The following KRAS variants were observed in gnomAD, a reference collection of about 807,000 sequenced individuals.
KRAS encodes the protein GTPase KRas.
KRAS carries 1 observed loss-of-function variant against 21.0 expected under a neutral mutation model. The ratio of observed to expected loss-of-function variants is 0.05; its 90% CI spans 0.02 to 0.23. The LOEUF (loss-of-function observed/expected upper bound fraction) is 0.23, where lower values mean the gene tolerates loss of function less well. KRAS is among the 10% of genes least tolerant of loss of function. The pLI is 1.00. For synonymous variants in KRAS, 67 were observed against 72.5 expected (o/e 0.92, Z 0.39); for missense variants, 107 against 221.8 (o/e 0.48, Z 3.29).
chr12:25,217,739 A>G (rs921343632), intron 4 of KRAS, among the ~76,000 whole-genome samples: 1 of 152,134 alleles, frequency 6.6e-6, no homozygotes, highest in Non-Finnish European at 1.5e-5. Context: ...TCTACTAAAA[A>G]TAAGATAAAT....
Position 25,227,351 on chromosome 12 carries a change from G to A in KRAS, c.173C>T (p.Thr58Ile), listed in dbSNP as rs104894364. 1 of 1,613,990 alleles carries A rather than the reference G, an allele frequency of 6.2e-7. No homozygotes were observed. Residue 58 changes from threonine to isoleucine, a missense_variant, in exon 3 of 5, where the codon ACA (threonine) becomes ATA (isoleucine). By Grantham distance (89) the Thr-to-Ile change is moderately conservative (BLOSUM62 -1). Coordinates refer to ENST00000311936, the MANE Select transcript of KRAS (RefSeq NM_004985.5). ...TGCACTGTACTCCTCTTGACCTGCT[G>A]TGTCGAGAATATCCAAGAGACAGGT... ...GETCLLDILD[T>I]AGQEEYSAMR...
At chr12:25,244,650 CATG>C (rs957963518) in intron 2 of KRAS, among the ~76,000 whole-genome samples, 14 of 152,018 alleles carry the variant, frequency 9.2e-5, no homozygotes, top group Non-Finnish European at 1.8e-4. Flanking sequence ...TCCTCAAAAA[CATG>C]ATAACAATTT....
chr12:25,220,842 T>C (rs993108390), intron 4 of KRAS, among the ~76,000 whole-genome samples: 28 of 151,816 alleles, frequency 1.8e-4, no homozygotes, highest in African/African-American at 6.3e-4. Flanking sequence ...CTGGCCAACA[T>C]GGCGAAACCC....
intron 4 of KRAS, chr12:25,225,284 C>CTTTATTTTTA (rs1177789436): frequency 1.4e-3 from 9 of 6,446 alleles, no homozygotes; most frequent in African/African-American, 4.0e-3. Context: ...TTGCCCTGTT[C>CTTTATTTTTA]TTTATATATA....
chr12:25,222,383 G>A (rs748847379), intron 4 of KRAS, among the ~76,000 whole-genome samples: 7 of 151,850 alleles, frequency 4.6e-5, no homozygotes, highest in African/African-American at 9.7e-5. Flanking sequence ...TAATTTCAAC[G>A]GAGGAAGATT....
At chr12:25,217,993 TCCAAA>T in intron 4 of KRAS, among the ~76,000 whole-genome samples, 1 of 152,154 alleles carries the variant, frequency 6.6e-6, no homozygotes, top group Non-Finnish European at 1.5e-5. Flanking sequence ...AAATTATGTA[TCCAAA>T]ATTTTCATTA....
intron 1 of KRAS, among the ~76,000 whole-genome samples, chr12:25,246,170 A>G (rs1031127755): frequency 8.6e-5 from 12 of 138,990 alleles, no homozygotes; most frequent in Admixed American, 2.9e-4. Context: ...AAAAAAAAAA[A>G]TCTCTGGGGA....
intron 2 of KRAS, among the ~76,000 whole-genome samples, chr12:25,231,171 G>A (rs1009639986): frequency 1.5e-5 from 2 of 137,670 alleles, no homozygotes; most frequent in Non-Finnish European, 3.0e-5. Flanking sequence ...ACACGATCTC[G>A]AGTCACTGCA....
chr12:25,219,880 T>C (rs1951300351), intron 4 of KRAS, among the ~76,000 whole-genome samples: 1 of 151,944 alleles, frequency 6.6e-6, no homozygotes, highest in Non-Finnish European at 1.5e-5. Context: ...CATAAGGAGG[T>C]TGTTTTGCAA....
intron 4 of KRAS, among the ~76,000 whole-genome samples, chr12:25,220,511 G>A (rs927527190): frequency 5.3e-5 from 8 of 151,810 alleles, no homozygotes; most frequent in East Asian, 1.9e-4. Context: ...GGCAGATCAC[G>A]AGGTCAAGAG....
At chr12:25,231,660 C>A (rs1044119395) in intron 2 of KRAS, among the ~76,000 whole-genome samples, 1 of 152,016 alleles carries the variant, frequency 6.6e-6, no homozygotes, top group Non-Finnish European at 1.5e-5. Flanking sequence ...TAGCAAAGTT[C>A]TGAGACACAT....
Position 25,250,891 on chromosome 12 carries a change from G to GCCGCCGCCGCTGCCT in KRAS, c.-153_-152insAGGCAGCGGCGGCGG, listed in dbSNP as rs1555196229. On this transcript the variant is annotated 5_prime_UTR_variant, in exon 1 of 5. Coordinates refer to ENST00000311936, the MANE Select transcript of KRAS (RefSeq NM_004985.5). ...CGCCACCTTCGCCGCCGCCACTGCC[G>GCCGCCGCCGCTGCCT]CCGCCGCTGCTGCCTCCGCCGCCGC... The GCCGCCGCCGCTGCCT allele has an allele frequency of 1.2e-5, 3 of 247,626 alleles. No individual in the cohort carries two copies. The highest frequency in any genetic ancestry group is 2.2e-4 in the South Asian group (2 of 8,932). 15.3% of individuals were successfully genotyped at this position (247,626 alleles called of 1,614,324 possible). A position where few individuals can be genotyped will look rare whatever the true frequency, so the allele number is the denominator to read the frequency against.
chr12:25,207,864 C>A lies in KRAS; in HGVS notation c.*1931G>T. 8.6e-6 allele frequency: 2 copies of A among 233,146 alleles called. No homozygotes were observed. Among genetic ancestry groups the A allele is most frequent in the Non-Finnish European group, 1.7e-5 (2 of 118,028 alleles). 14.4% of individuals were successfully genotyped at this position (233,146 alleles called of 1,614,324 possible). A position where few individuals can be genotyped will look rare whatever the true frequency, so the allele number is the denominator to read the frequency against. On this transcript the variant is annotated 3_prime_UTR_variant, in exon 5 of 5. Coordinates refer to ENST00000311936, the MANE Select transcript of KRAS (RefSeq NM_004985.5). Reference sequence around the variant, plus strand: ...AAGATGTAGGGCATTTCTGATGTGACTCAGTGGGAAAACTTCATGGAGATA... The same window carrying A: ...AAGATGTAGGGCATTTCTGATGTGAATCAGTGGGAAAACTTCATGGAGATA...
chr12:25,230,351 G>A (rs1023644048), intron 2 of KRAS, among the ~76,000 whole-genome samples: 2 of 152,068 alleles, frequency 1.3e-5, no homozygotes, highest in African/African-American at 4.8e-5. Context: ...TATCTTGGCC[G>A]GGTGCGATGG....
chr12:25,218,203 A>G (rs1951276701), intron 4 of KRAS, among the ~76,000 whole-genome samples: 1 of 151,350 alleles, frequency 6.6e-6, no homozygotes, highest in Non-Finnish European at 1.5e-5. Context: ...TAAATTTTCT[A>G]AGAATGTAAA....
At chr12:25,226,088 A>G (rs1277967343) in intron 3 of KRAS, among the ~76,000 whole-genome samples, 1 of 152,218 alleles carries the variant, frequency 6.6e-6, no homozygotes, top group Non-Finnish European at 1.5e-5. Flanking sequence ...GTGCTATATA[A>G]CAGACTATAA....
chr12:25,209,393 T>C lies in KRAS; in HGVS notation c.*402A>G, dbSNP rs1218897073. The C allele has an allele frequency of 2.4e-5, 19 of 792,460 alleles. No individual in the cohort carries two copies. Among genetic ancestry groups the C allele is most frequent in the East Asian group, 5.9e-5 (2 of 33,866 alleles). 49.1% of individuals were successfully genotyped at this position (792,460 alleles called of 1,614,324 possible). A position where few individuals can be genotyped will look rare whatever the true frequency, so the allele number is the denominator to read the frequency against. On this transcript the variant is annotated 3_prime_UTR_variant, in exon 5 of 5. Transcript: ENST00000311936. Reference sequence around the variant, plus strand: ...TAAAAACCAATTAGAAGGTCTCAACTGAAATTAGTAATTAATCCATTTATG... The same window carrying C: ...TAAAAACCAATTAGAAGGTCTCAACCGAAATTAGTAATTAATCCATTTATG...
At chr12:25,224,637 G>A (rs1833292455) in intron 4 of KRAS, among the ~76,000 whole-genome samples, 1 of 152,082 alleles carries the variant, frequency 6.6e-6, no homozygotes, top group Admixed American at 6.6e-5. Flanking sequence ...TATAAACTTA[G>A]GGTAGCCCAA....
chr12:25,212,588 AAATT>A lies in KRAS; in HGVS notation c.451-2681_451-2678del, dbSNP rs557113647. Reference sequence around the variant, plus strand: ...TTAAAAATAAATAAGTAATAAAAAAAAATTAATTAATTTCAATCGTGAAGGAAAT... The same window carrying A: ...TTAAAAATAAATAAGTAATAAAAAAAAATTAATTTCAATCGTGAAGGAAAT... On this transcript the variant is annotated intron_variant, in intron 4 of 4. Coordinates refer to ENST00000311936, the MANE Select transcript of KRAS (RefSeq NM_004985.5). Among the ~76,000 whole-genome samples the A allele has an allele frequency of 1.2e-3, 187 of 152,284 alleles. 1 individual carries two copies. Among genetic ancestry groups the A allele is most frequent in the African/African-American group, 4.3e-3 (178 of 41,544 alleles).
Sources: gnomAD v4.1 joint callset for allele counts (sites outside exome capture counted in the v4.1 genomes callset) on GRCh38, gnomAD v4.1.1 for gene constraint, MANE v1.5 for transcripts, NCBI Gene and HGNC (gene_info 2026-07-23, HGNC 2026-07-21) for gene names.